Variants in ACTR3 observed in about 807,000 individuals in gnomAD.
The protein encoded by ACTR3 is actin related protein 3, also known as actin-related protein 3.
ACTR3 carries 12 observed loss-of-function variants against 56.8 expected under a neutral mutation model. The observed-to-expected ratio is 0.21, with a 90% CI of 0.14 to 0.34. The LOEUF (loss-of-function observed/expected upper bound fraction) is 0.34, where lower values mean the gene tolerates loss of function less well. Ranked by LOEUF, ACTR3 falls within the 10% of genes least tolerant of loss-of-function variation. The pLI is 1.00. For missense variants in ACTR3, 282 were observed against 512.5 expected (o/e 0.55, Z 4.34); for synonymous variants, 162 against 167.4 (o/e 0.97, Z 0.25).
intron 3 of ACTR3, among the ~76,000 whole-genome samples, chr2:113,927,099 AAC>A (rs1423832696): frequency 2.0e-5 from 3 of 152,214 alleles, no homozygotes; most frequent in African/African-American, 7.2e-5. Context: ...ATGTAGATTT[AAC>A]AGTTTTTAAC....
intron 3 of ACTR3, among the ~76,000 whole-genome samples, chr2:113,925,489 C>G (rs1031734581): frequency 6.6e-6 from 1 of 152,214 alleles, no homozygotes; most frequent in Non-Finnish European, 1.5e-5. Context: ...AGCCACCACG[C>G]CCAGTCGGAA....
At chr2:113,922,055 A>AG (rs1679521856) in intron 3 of ACTR3, among the ~76,000 whole-genome samples, 1 of 152,196 alleles carries the variant, frequency 6.6e-6, no homozygotes, top group Non-Finnish European at 1.5e-5. Flanking sequence ...TTTCGCTACA[A>AG]GGTGGTGATT....
Position 113,934,168 on chromosome 2 carries a change from TA to T in ACTR3, c.433-107del, listed in dbSNP as rs374237750. 91 of 704,912 alleles carry T rather than the reference TA, an allele frequency of 1.3e-4. No homozygotes were observed. The East Asian group carries it at 2.1e-3, about 17-fold the overall frequency. 43.7% of individuals were successfully genotyped at this position (704,912 alleles called of 1,614,324 possible). On this transcript the variant is annotated intron_variant, in intron 5 of 11. Transcript: ENST00000263238. ...ATTTTCTTTCCACAGATACTACATT[TA>T]AAATTGAATAAAGTACTCCAGGGAA...
intron 1 of ACTR3, among the ~76,000 whole-genome samples, chr2:113,902,953 CTAAT>C (rs1467201799): frequency 1.3e-5 from 2 of 152,176 alleles, no homozygotes; most frequent in Non-Finnish European, 2.9e-5. Flanking sequence ...TACAATCAAG[CTAAT>C]TAATGTATTT....
chr2:113,905,488 T>G (rs538151185), intron 1 of ACTR3, among the ~76,000 whole-genome samples: 1 of 152,188 alleles, frequency 6.6e-6, no homozygotes, highest in African/African-American at 2.4e-5. Context: ...AATTTTTTTT[T>G]TGTGGTATAA....
rs1048311281 is a variant in ACTR3, at chr2:113,961,797, A to G, written c.*4342A>G. 2.6e-5 allele frequency: 4 copies of G among 152,008 alleles called. No individual in the cohort carries two copies. Among genetic ancestry groups the G allele is most frequent in the Non-Finnish European group, 4.4e-5 (3 of 67,884 alleles). 9.4% of individuals were successfully genotyped at this position (152,008 alleles called of 1,614,324 possible). A position where few individuals can be genotyped will look rare whatever the true frequency, so the allele number is the denominator to read the frequency against. On this transcript the variant is annotated 3_prime_UTR_variant, in exon 12 of 12. Transcript: ENST00000263238. ...TAGTAAGTGCGGAATTTCTCTTCAT[A>G]AAAATGGTAGTGTTAGTTGTTTAGA... is the stretch of plus-strand genomic sequence containing the variant.
In ACTR3 at chr2:113,921,649, A is replaced by G. The variant is rs546864698; in HGVS notation, c.225+4641A>G. The stretch of plus-strand genomic sequence containing the variant: ...TTCATTTTGAGTTGATTTTTGTATA[A>G]GGTGAGAGCTAGAGGTCTTGTTTCA... On this transcript the variant is annotated intron_variant, in intron 3 of 11. Coordinates refer to ENST00000263238, the MANE Select transcript of ACTR3 (RefSeq NM_005721.5). Among the ~76,000 whole-genome samples the G allele has an allele frequency of 2.9e-4, 44 of 152,266 alleles. No homozygotes were observed. In the South Asian group the frequency reaches 8.3e-3, roughly 29 times the overall value.
intron 6 of ACTR3, among the ~76,000 whole-genome samples, chr2:113,936,276 T>G (rs749840914): frequency 3.7e-5 from 5 of 135,088 alleles, no homozygotes; most frequent in Non-Finnish European, 7.6e-5. Context: ...TTCTCTAGCT[T>G]GAGCAACAGA....
chr2:113,952,465 GAT>G (rs1003920392), intron 10 of ACTR3: 1 of 152,032 alleles, frequency 6.6e-6, no homozygotes, highest in African/African-American at 2.4e-5. Flanking sequence ...TTAGAGGAAT[GAT>G]ATGGCTTTTT....
At chr2:113,944,353 A>C (rs1399266830) in intron 8 of ACTR3, among the ~76,000 whole-genome samples, 1 of 152,060 alleles carries the variant, frequency 6.6e-6, no homozygotes, top group Admixed American at 6.5e-5. Context: ...CAGTTACAGG[A>C]GGGAAGGAAT....
chr2:113,914,464 A>G (rs542749582), intron 2 of ACTR3, among the ~76,000 whole-genome samples: 1 of 152,188 alleles, frequency 6.6e-6, no homozygotes, highest in South Asian at 2.1e-4. Flanking sequence ...TACAAAAATT[A>G]GCCAGGCATG....
intron 4 of ACTR3, 80 bp from the exon 5 acceptor site, chr2:113,931,221 T>G: frequency 2.6e-6 from 2 of 776,946 alleles, no homozygotes; most frequent in Non-Finnish European, 1.9e-6. Flanking sequence ...TGAAATAAAT[T>G]ACTTCTCATT....
intron 1 of ACTR3, among the ~76,000 whole-genome samples, chr2:113,907,001 TGGG>T (rs1679206823): frequency 6.6e-6 from 1 of 152,232 alleles, no homozygotes; most frequent in South Asian, 2.1e-4. Flanking sequence ...AGGATTTTGA[TGGG>T]AAATGCTTGA....
In ACTR3 at chr2:113,890,121, C is replaced by A; in HGVS notation, c.-159C>A. The stretch of plus-strand genomic sequence containing the variant: ...AAGTGATAGCCGCCGACCGAGCCTG[C>A]TGCTTTCTTGCTACTGCTTCGGCTT... On this transcript the variant is annotated 5_prime_UTR_variant, in exon 1 of 12. In the 5' UTR this introduces an upstream ATG that the reference lacks. Transcript: ENST00000263238. 1 of 871,402 alleles carries A rather than the reference C, an allele frequency of 1.1e-6. No homozygotes were observed. Among genetic ancestry groups the A allele is most frequent in the South Asian group, 1.5e-5 (1 of 65,978 alleles). The allele number at this position is 871,402 out of a possible 1,614,324, so 54.0% of individuals were successfully genotyped here.
At chr2:113,927,252 A>G (rs1483656609) in intron 3 of ACTR3, 93 bp from the exon 4 acceptor site, 1 of 727,930 alleles carries the variant, frequency 1.4e-6, no homozygotes, top group Admixed American at 3.2e-5. Flanking sequence ...CTCATCTAAT[A>G]TCCACTAATG....
chr2:113,907,258 AT>A (rs1388726115), intron 1 of ACTR3, among the ~76,000 whole-genome samples: 1 of 152,004 alleles, frequency 6.6e-6, no homozygotes, highest in African/African-American at 2.4e-5. Flanking sequence ...TTTTTTGTTT[AT>A]TTTTTATTGT....
chr2:113,951,281 T>C lies in ACTR3; in HGVS notation c.859-198T>C. 6.5e-6 allele frequency: 3 copies of C among 464,690 alleles called. No homozygotes were observed. In the South Asian group the frequency reaches 9.7e-5, roughly 15 times the overall value. The allele number at this position is 464,690 out of a possible 1,614,324, so 28.8% of individuals were successfully genotyped here. A position where few individuals can be genotyped will look rare whatever the true frequency, so the allele number is the denominator to read the frequency against. ...TGACTTTACATGTTTGCTATTCTGA[T>C]AGTTATAAAATGGTATATATCATCA... On this transcript the variant is annotated intron_variant, in intron 8 of 11. Coordinates refer to ENST00000263238, the MANE Select transcript of ACTR3 (RefSeq NM_005721.5).
intron 1 of ACTR3, among the ~76,000 whole-genome samples, chr2:113,896,744 C>G (rs1294074771): frequency 6.6e-6 from 1 of 152,212 alleles, no homozygotes; most frequent in Non-Finnish European, 1.5e-5. Flanking sequence ...GATATGTGAT[C>G]TAGCTTCTTG....
chr2:113,934,143 A>G (rs1679777145), intron 5 of ACTR3, 136 bp from the exon 6 acceptor site: 6 of 613,580 alleles, frequency 9.8e-6, no homozygotes, highest in Admixed American at 7.0e-5. Flanking sequence ...AATTTTATGT[A>G]TTTTCTTTCC....
Sources: allele counts gnomAD v4.1 joint callset (sites outside exome capture counted in the v4.1 genomes callset), GRCh38; gene constraint gnomAD v4.1.1; transcripts MANE v1.5; gene names NCBI Gene and HGNC (gene_info 2026-07-23, HGNC 2026-07-21).